RYR2: variants seen among roughly 807,000 people sequenced by gnomAD.
RYR2 encodes cardiac muscle ryanodine receptor-calcium release channel.
A neutral mutation model predicts 601.1 loss-of-function variants in RYR2; 227 were observed. That is an observed-to-expected ratio of 0.38 (90% CI 0.34 to 0.42). RYR2 has a LOEUF of 0.42. RYR2 is among the 10% of genes least tolerant of loss of function. The pLI is 1.00. For missense variants in RYR2, 4,646 were observed against 6,156.5 expected (o/e 0.75, Z 8.21); for synonymous variants, 2,223 against 2,175.1 (o/e 1.02, Z -0.61).
At chr1:237,666,472 G>C (rs770813399) in intron 56 of RYR2, 40 bp from the exon 57 acceptor site, 36 of 1,557,604 alleles carry the variant, frequency 2.3e-5, no homozygotes, top group Non-Finnish European at 3.2e-5. Context: ...TCTTCACAAG[G>C]TTTTTAATGA....
intron 62 of RYR2, among the ~76,000 whole-genome samples, chr1:237,685,360 G>A (rs1186967998): frequency 6.6e-6 from 1 of 152,108 alleles, no homozygotes. Flanking sequence ...TGGCACATGT[G>A]GTGAGGAATC....
At chr1:237,751,885 A>C (rs1486303908) in intron 80 of RYR2, among the ~76,000 whole-genome samples, 3 of 152,214 alleles carry the variant, frequency 2.0e-5, no homozygotes, top group Non-Finnish European at 4.4e-5. Flanking sequence ...TAAAGCCCAC[A>C]ATTTGATTAT....
At chr1:237,270,024 G>A (rs1046963314) in intron 1 of RYR2, among the ~76,000 whole-genome samples, 1 of 152,212 alleles carries the variant, frequency 6.6e-6, no homozygotes, top group African/African-American at 2.4e-5. Context: ...TCACTTTGAA[G>A]TGAGAAAGTT....
intron 1 of RYR2, among the ~76,000 whole-genome samples, chr1:237,251,933 C>T (rs1264025828): frequency 6.6e-6 from 1 of 152,112 alleles, no homozygotes. Context: ...CTATCGTTAT[C>T]CCACATCAGC....
chr1:237,090,956 ATAAGT>A (rs892435344), intron 1 of RYR2, among the ~76,000 whole-genome samples: 2 of 152,236 alleles, frequency 1.3e-5, no homozygotes, highest in African/African-American at 2.4e-5. Context: ...TAATTTTGTA[ATAAGT>A]TAAACCAGTT....
intron 1 of RYR2, among the ~76,000 whole-genome samples, chr1:237,119,742 C>T (rs993125848): frequency 5.3e-5 from 8 of 152,190 alleles, no homozygotes; most frequent in Admixed American, 2.6e-4. Context: ...CTTCCATTGC[C>T]TTTCGGTGCC....
At chr1:237,157,132 C>G (rs953516265) in intron 1 of RYR2, among the ~76,000 whole-genome samples, 4 of 151,748 alleles carry the variant, frequency 2.6e-5, no homozygotes, top group African/African-American at 9.7e-5. Context: ...CCCATCTCTA[C>G]TGAAAATACA....
intron 5 of RYR2, 133 bp from the exon 6 acceptor site, chr1:237,369,401 T>C: frequency 6.5e-6 from 5 of 765,196 alleles, no homozygotes; most frequent in South Asian, 1.5e-5. Flanking sequence ...GCACTTTGCT[T>C]GTCTGCAAGA....
intron 1 of RYR2, among the ~76,000 whole-genome samples, chr1:237,061,711 C>T (rs1558165096): frequency 6.6e-6 from 1 of 152,066 alleles, no homozygotes; most frequent in Non-Finnish European, 1.5e-5. Flanking sequence ...CTTGCTTTTC[C>T]CCCCTCTGTT....
intron 17 of RYR2, among the ~76,000 whole-genome samples, chr1:237,476,337 C>G (rs1661393285): frequency 6.6e-6 from 1 of 151,800 alleles, no homozygotes; most frequent in Non-Finnish European, 1.5e-5. Flanking sequence ...TAGTGAAACC[C>G]CGACTCTACT....
chr1:237,420,521 C>T (rs1035848981), intron 11 of RYR2, among the ~76,000 whole-genome samples: 10 of 150,226 alleles, frequency 6.7e-5, no homozygotes, highest in African/African-American at 2.3e-4. Flanking sequence ...TCTTGCCTTG[C>T]CCTCTCATTT....
rs546455955 is a variant in RYR2, at chr1:237,378,134, G to A, written c.576+699G>A. 5.9e-5 allele frequency among the ~76,000 whole-genome samples: 9 copies of A among 152,236 alleles called. No homozygotes were observed. In the South Asian group the frequency reaches 1.7e-3, roughly 28 times the overall value. On this transcript the variant is annotated intron_variant, in intron 8 of 104. Coordinates refer to ENST00000366574, the MANE Select transcript of RYR2 (RefSeq NM_001035.3). ...ACAAGAGACAAGAGCTTGTGCAGGG[G>A]AACTCCTCTTTTTAAAACCATTAGA...
At chr1:237,252,078 G>A (rs1687520127) in intron 1 of RYR2, among the ~76,000 whole-genome samples, 1 of 151,754 alleles carries the variant, frequency 6.6e-6, no homozygotes, top group Non-Finnish European at 1.5e-5. Flanking sequence ...CATGCCCCTA[G>A]CATGGCTTCC....
At chr1:237,473,625 C>T (rs1421509968) in intron 17 of RYR2, among the ~76,000 whole-genome samples, 2 of 152,000 alleles carry the variant, frequency 1.3e-5, no homozygotes, top group Non-Finnish European at 1.5e-5. Context: ...AGTTCTACTA[C>T]CCTGACCCAA....
At chr1:237,299,227 T>C (rs533967970) in intron 2 of RYR2, among the ~76,000 whole-genome samples, 2 of 151,892 alleles carry the variant, frequency 1.3e-5, no homozygotes, top group South Asian at 4.2e-4. Context: ...GCTATTGCCT[T>C]TTCTTTTCCC....
intron 1 of RYR2, among the ~76,000 whole-genome samples, chr1:237,177,434 T>G (rs1372223031): frequency 6.6e-6 from 1 of 152,212 alleles, no homozygotes; most frequent in African/African-American, 2.4e-5. Flanking sequence ...ACTTCCCAAC[T>G]GATAATTCCT....
intron 1 of RYR2, among the ~76,000 whole-genome samples, chr1:237,143,471 C>T (rs1339554924): frequency 6.6e-6 from 1 of 152,210 alleles, no homozygotes; most frequent in African/African-American, 2.4e-5. Context: ...TTGCCTACAG[C>T]AGCCAGTGGC....
chr1:237,764,648 T>C (rs1693705122), intron 84 of RYR2, among the ~76,000 whole-genome samples: 1 of 151,832 alleles, frequency 6.6e-6, no homozygotes, highest in African/African-American at 2.4e-5. Flanking sequence ...GGTTTCACCA[T>C]CTTGGCCAGG....
intron 1 of RYR2, among the ~76,000 whole-genome samples, chr1:237,207,764 C>T (rs1410249427): frequency 6.6e-6 from 1 of 152,224 alleles, no homozygotes; most frequent in Non-Finnish European, 1.5e-5. Flanking sequence ...TAGCTATCCT[C>T]TAAAACAATT....
Sources: allele counts gnomAD v4.1 joint callset (sites outside exome capture counted in the v4.1 genomes callset), GRCh38; gene constraint gnomAD v4.1.1; transcripts MANE v1.5; gene names NCBI Gene and HGNC (gene_info 2026-07-23, HGNC 2026-07-21).